The following PRELID2 variants were observed in gnomAD, a reference collection of about 807,000 sequenced individuals.
PRELID2 encodes PRELI domain containing 2.
In PRELID2, 25 loss-of-function variants were observed where a neutral mutation model predicts 28.4. That is an observed-to-expected ratio of 0.88 (90% CI 0.64 to 1.23). PRELID2 has a LOEUF of 1.23. PRELID2 is among the 50% of genes most tolerant of loss of function. The probability of loss-of-function intolerance (pLI) is 0.00; values close to 1 mark genes in which losing one functional copy is unlikely to be tolerated. For synonymous variants in PRELID2, 76 were observed against 71.6 expected, an observed-to-expected ratio of 1.06 and a Z score of -0.31; for missense variants, 201 against 214.4, an observed-to-expected ratio of 0.94 and a Z score of 0.39.
At chr5:145,459,273 A>C in the PRELID2 span, among the ~76,000 whole-genome samples, 3 of 152,088 alleles carry the variant, frequency 2.0e-5, no homozygotes, top group East Asian at 3.9e-4. Flanking sequence ...AGTACATATA[A>C]TTTTCAAATT....
rs1465399580 is a variant in PRELID2, at chr5:145,492,713, TC to T, written n.71-19399del. Among the ~76,000 whole-genome samples, 5 of 141,342 alleles carry T rather than the reference TC, an allele frequency of 3.5e-5. 1 individual carries two copies. Among genetic ancestry groups the T allele is most frequent in the Non-Finnish European group, 8.0e-5 (5 of 62,774 alleles). 92.7% of individuals were successfully genotyped at this position (141,342 alleles called of 152,430 possible). A position where few individuals can be genotyped will look rare whatever the true frequency, so the allele number is the denominator to read the frequency against. ...TTCTGAATATAGTGTGAGATAGGGT[TC>T]AGAAGTCTGGGCTGCTGGAGGGCTG... On this transcript the variant is annotated intron_variant and non_coding_transcript_variant, in intron 1 of 2. Transcript: ENST00000510259.
At chr5:145,386,880 T>C in the PRELID2 span, among the ~76,000 whole-genome samples, 1 of 152,196 alleles carries the variant, frequency 6.6e-6, no homozygotes, top group Non-Finnish European at 1.5e-5. Flanking sequence ...TTGTTCTACA[T>C]CACTTTATAA....
chr5:145,823,951 T>TA (rs1365828895), intron 1 of PRELID2, among the ~76,000 whole-genome samples: 2 of 152,210 alleles, frequency 1.3e-5, no homozygotes, highest in East Asian at 3.8e-4. Context: ...ACAAATTAGA[T>TA]AATTTGCTCA....
At chr5:145,685,800 C>A (rs1181336908) in intron 1 of PRELID2, among the ~76,000 whole-genome samples, 1 of 152,166 alleles carries the variant, frequency 6.6e-6, no homozygotes, top group Non-Finnish European at 1.5e-5. Context: ...TAGCCTTCCT[C>A]TGCAGAGGGT....
chr5:145,801,462 T>C (rs1753137101), intron 4 of PRELID2, among the ~76,000 whole-genome samples: 2 of 152,168 alleles, frequency 1.3e-5, no homozygotes, highest in Admixed American at 6.6e-5. Context: ...CTTTCATCTC[T>C]GAGAAGCCTA....
Position 145,576,993 on chromosome 5 carries a change from G to T in PRELID2, n.71-103678C>A, listed in dbSNP as rs560781280. 2.0e-5 allele frequency among the ~76,000 whole-genome samples: 3 copies of T among 152,204 alleles called. No individual in the cohort carries two copies. The East Asian group carries it at 5.8e-4, about 29-fold the overall frequency. Reference sequence around the variant, plus strand: ...AATTCTGTCCAGCATTATGCTTGTTGCAGCGTTCCTGAATTTAAGGCACTT... The same window carrying T: ...AATTCTGTCCAGCATTATGCTTGTTTCAGCGTTCCTGAATTTAAGGCACTT... On this transcript the variant is annotated intron_variant and non_coding_transcript_variant, in intron 1 of 2. Coordinates refer to the PRELID2 transcript ENST00000510259.
At chr5:145,741,221 T>A (rs372783623) in intron 1 of PRELID2, among the ~76,000 whole-genome samples, 1 of 109,986 alleles carries the variant, frequency 9.1e-6, no homozygotes, top group Non-Finnish European at 1.6e-5. Flanking sequence ...ATATAAAATA[T>A]ATATATAATA....
the PRELID2 span, among the ~76,000 whole-genome samples, chr5:145,447,366 T>C: frequency 6.6e-6 from 1 of 151,942 alleles, no homozygotes; most frequent in African/African-American, 2.4e-5. Flanking sequence ...ACATGAAAGA[T>C]ACTGAATAAA....
intron 4 of PRELID2, among the ~76,000 whole-genome samples, chr5:145,806,420 C>T (rs138081564): frequency 1.3e-5 from 2 of 152,266 alleles, no homozygotes; most frequent in African/African-American, 4.8e-5. Context: ...ATATCTTATC[C>T]CACTGGAAAG....
the PRELID2 span, among the ~76,000 whole-genome samples, chr5:145,316,514 G>A: frequency 5.3e-5 from 8 of 152,068 alleles, no homozygotes; most frequent in Non-Finnish European, 8.8e-5. Flanking sequence ...TCTTCTCCAC[G>A]CCCAATGTGA....
the PRELID2 span, among the ~76,000 whole-genome samples, chr5:145,414,374 A>G: frequency 6.6e-6 from 1 of 152,188 alleles, no homozygotes; most frequent in African/African-American, 2.4e-5. Flanking sequence ...CACCACAACG[A>G]AAGTAACCCC....
chr5:145,467,169 T>C (rs1481056935), downstream of PRELID2, among the ~76,000 whole-genome samples: 1 of 152,144 alleles, frequency 6.6e-6, no homozygotes, highest in Non-Finnish European at 1.5e-5. Context: ...CCAGTGGTTA[T>C]CATGACAATC....
rs146948883 is a variant in PRELID2, at chr5:145,512,240, T to C, written n.71-38925A>G. 3.4e-3 allele frequency among the ~76,000 whole-genome samples: 524 copies of C among 152,280 alleles called. 1 individual carries two copies. The highest frequency in any genetic ancestry group is 6.1e-3 in the Non-Finnish European group (417 of 68,018). ...AGAAGGCAGGTGATTTCTACACTTC[T>C]AACTGAGGTACCCAGTTAATCTAAT... On this transcript the variant is annotated intron_variant and non_coding_transcript_variant, in intron 1 of 2. Coordinates refer to the PRELID2 transcript ENST00000510259.
At chr5:145,737,444 A>C (rs960041948) in intron 1 of PRELID2, among the ~76,000 whole-genome samples, 1 of 151,704 alleles carries the variant, frequency 6.6e-6, no homozygotes, top group African/African-American at 2.4e-5. Context: ...AAACAAAAAC[A>C]AAAAAAATAA....
chr5:145,562,752 T>C (rs551359205), intron 1 of PRELID2, among the ~76,000 whole-genome samples: 4 of 152,068 alleles, frequency 2.6e-5, no homozygotes, highest in African/African-American at 9.6e-5. Flanking sequence ...GGAGAAAATC[T>C]AGATGTGCGT....
intron 1 of PRELID2, among the ~76,000 whole-genome samples, chr5:145,744,911 T>G (rs1194570617): frequency 6.6e-6 from 1 of 151,982 alleles, no homozygotes; most frequent in East Asian, 1.9e-4. Flanking sequence ...GAAAAAACTG[T>G]GCTGAGCTCA....
chr5:145,638,921 C>T (rs6893183), intron 1 of PRELID2, among the ~76,000 whole-genome samples: 33,972 of 152,184 alleles, frequency 0.22, 7,178 homozygotes, highest in African/African-American at 0.55. Context: ...TAGGAGCTTA[C>T]GCCAGCTTTG....
intron 1 of PRELID2, among the ~76,000 whole-genome samples, chr5:145,742,113 A>C (rs1263646814): frequency 8.0e-6 from 1 of 125,306 alleles, no homozygotes; most frequent in East Asian, 2.3e-4. Flanking sequence ...ATTATATATA[A>C]ATAAAATTTA....
the PRELID2 span, among the ~76,000 whole-genome samples, chr5:145,304,844 C>A: frequency 1.3e-5 from 2 of 151,832 alleles, no homozygotes; most frequent in African/African-American, 4.8e-5. Context: ...ATTTTGTAAA[C>A]AAAATTTCAA....
Sources: gnomAD v4.1 joint callset for allele counts (sites outside exome capture counted in the v4.1 genomes callset) on GRCh38, gnomAD v4.1.1 for gene constraint, MANE v1.5 for transcripts, NCBI Gene and HGNC (gene_info 2026-07-23, HGNC 2026-07-21) for gene names.